The following CEP85L variants were observed in gnomAD, a reference collection of about 807,000 sequenced individuals.
CEP85L encodes centrosomal protein 85L.
Under a neutral mutation model 100.3 loss-of-function variants are expected in CEP85L, and 60 were observed. The ratio of observed to expected loss-of-function variants is 0.60; its 90% CI spans 0.49 to 0.74. The LOEUF is 0.74. Ranked by LOEUF, CEP85L falls within the 30% of genes least tolerant of loss-of-function variation. The pLI is 0.00. For missense variants in CEP85L, 973 were observed against 936.2 expected (o/e 1.04, Z -0.51); for synonymous variants, 319 against 322.7 (o/e 0.99, Z 0.12).
intron 10 of CEP85L, among the ~76,000 whole-genome samples, chr6:118,477,316 C>T (rs1773458016): frequency 6.6e-6 from 1 of 152,080 alleles, no homozygotes; most frequent in Non-Finnish European, 1.5e-5. Flanking sequence ...TGAAGTATTA[C>T]TTTTTCTATA....
intron 3 of CEP85L, among the ~76,000 whole-genome samples, chr6:118,542,725 A>G (rs941178135): frequency 5.3e-5 from 8 of 151,934 alleles, no homozygotes; most frequent in African/African-American, 1.9e-4. Context: ...ATGGTTACAC[A>G]AAACTATGGA....
intron 3 of CEP85L, among the ~76,000 whole-genome samples, chr6:118,543,544 G>A (rs1044139413): frequency 1.3e-5 from 2 of 152,068 alleles, no homozygotes; most frequent in African/African-American, 4.8e-5. Context: ...TGACTTTTCT[G>A]AATTATAAGA....
intron 5 of CEP85L, among the ~76,000 whole-genome samples, chr6:118,507,780 C>T (rs12203311): frequency 0.1 from 15,397 of 152,150 alleles, 943 homozygotes; most frequent in African/African-American, 0.16. Flanking sequence ...TCATCAGGTT[C>T]TCAAACTAGA....
At chr6:118,579,399 C>CA (rs972459648) in intron 2 of CEP85L, among the ~76,000 whole-genome samples, 33 of 151,222 alleles carry the variant, frequency 2.2e-4, no homozygotes, top group African/African-American at 7.3e-4. Flanking sequence ...TTACATTTAC[C>CA]AAAAAAAATT....
chr6:118,471,088 T>C (rs1050907248), intron 10 of CEP85L, among the ~76,000 whole-genome samples: 1 of 152,100 alleles, frequency 6.6e-6, no homozygotes, highest in Admixed American at 6.6e-5. Context: ...CCCTATTTTC[T>C]ATCATTTGAA....
intron 5 of CEP85L, 148 bp from the exon 6 acceptor site, chr6:118,492,013 T>C (rs1357338818): frequency 9.4e-6 from 5 of 532,962 alleles, no homozygotes; most frequent in African/African-American, 7.9e-5. Context: ...TCTTGCTTCC[T>C]AGTTATGTAC....
intron 2 of CEP85L, among the ~76,000 whole-genome samples, chr6:118,605,346 G>A (rs1171815566): frequency 1.3e-5 from 2 of 152,116 alleles, no homozygotes; most frequent in Non-Finnish European, 1.5e-5. Flanking sequence ...TGGGGGGTGG[G>A]GATGTTTCCT....
intron 4 of CEP85L, among the ~76,000 whole-genome samples, chr6:118,520,318 A>G (rs898207221): frequency 1.3e-5 from 2 of 152,240 alleles, no homozygotes; most frequent in Non-Finnish European, 2.9e-5. Flanking sequence ...GAATCTACAA[A>G]AAAATACCTA....
intron 1 of CEP85L, among the ~76,000 whole-genome samples, chr6:118,669,653 G>A (rs760580904): frequency 6.6e-6 from 1 of 152,048 alleles, no homozygotes; most frequent in African/African-American, 2.4e-5. Context: ...TCAGAACCTA[G>A]AATTTATGGT....
chr6:118,651,948 G>C (rs1008224327), upstream of CEP85L: 2 of 984,344 alleles, frequency 2.0e-6, no homozygotes, highest in African/African-American at 1.7e-5. Context: ...ACAACCGCTC[G>C]AGATGAAAAA....
intron 1 of CEP85L, among the ~76,000 whole-genome samples, chr6:118,697,101 C>T (rs1777239671): frequency 6.6e-6 from 1 of 152,144 alleles, no homozygotes; most frequent in South Asian, 2.1e-4. Context: ...TTTTGAGGCT[C>T]ACGAGGGAAA....
intron 5 of CEP85L, among the ~76,000 whole-genome samples, chr6:118,495,585 T>C (rs1774867536): frequency 2.6e-5 from 4 of 152,154 alleles, no homozygotes; most frequent in Admixed American, 2.6e-4. Context: ...GAACTGTAAG[T>C]CAATTAAACC....
intron 3 of CEP85L, among the ~76,000 whole-genome samples, chr6:118,534,917 C>G (rs11754973): frequency 0.71 from 107,766 of 151,960 alleles, 38,926 homozygotes; most frequent in African/African-American, 0.75. Context: ...CTACTTGGGA[C>G]GCTGAGGCAC....
intron 2 of CEP85L, among the ~76,000 whole-genome samples, chr6:118,567,276 T>TCC (rs1562268785): frequency 1.5e-5 from 2 of 129,808 alleles, no homozygotes; most frequent in African/African-American, 2.7e-5. Flanking sequence ...TATATATATA[T>TCC]ATATATATAT....
At chr6:118,569,573 T>C (rs1779763760) in intron 2 of CEP85L, among the ~76,000 whole-genome samples, 1 of 151,820 alleles carries the variant, frequency 6.6e-6, no homozygotes, top group South Asian at 2.1e-4. Context: ...TGCTCAAACA[T>C]GTTATTTAAT....
intron 7 of CEP85L, among the ~76,000 whole-genome samples, chr6:118,483,401 G>A (rs1339332180): frequency 6.6e-6 from 1 of 152,040 alleles, no homozygotes; most frequent in Non-Finnish European, 1.5e-5. Context: ...GACTGTGTTG[G>A]AAAGCACCAG....
intron 1 of CEP85L, among the ~76,000 whole-genome samples, chr6:118,671,588 G>A (rs1325647642): frequency 6.6e-6 from 1 of 152,162 alleles, no homozygotes; most frequent in Non-Finnish European, 1.5e-5. Context: ...CCAGGTCAGT[G>A]TTGTGAATAA....
At chr6:118,644,969 T>C (rs1344637421) in intron 1 of CEP85L, among the ~76,000 whole-genome samples, 2 of 152,334 alleles carry the variant, frequency 1.3e-5, no homozygotes, top group South Asian at 2.1e-4. Context: ...ATCTGCCTCA[T>C]AGTAGGCACT....
At chr6:118,600,302 T>G (rs868366451) in intron 2 of CEP85L, among the ~76,000 whole-genome samples, 2,325 of 16,586 alleles carry the variant, frequency 0.14, 580 homozygotes, top group Middle Eastern at 0.36. Context: ...TTCCTGGGGG[T>G]GTGTGTGTGT....
Sources: gnomAD v4.1 joint callset for allele counts (sites outside exome capture counted in the v4.1 genomes callset) on GRCh38, gnomAD v4.1.1 for gene constraint, MANE v1.5 for transcripts, NCBI Gene and HGNC (gene_info 2026-07-23, HGNC 2026-07-21) for gene names.